The following PKP4 variants were observed in gnomAD, a reference collection of about 807,000 sequenced individuals.
PKP4 encodes plakophilin 4.
PKP4 carries 90 observed loss-of-function variants against 145.1 expected under a neutral mutation model. The observed-to-expected ratio is 0.62, with a 90% CI of 0.52 to 0.74. PKP4 has a LOEUF of 0.74. PKP4 is among the 30% of genes least tolerant of loss of function. The pLI, the probability that PKP4 is intolerant of heterozygous loss-of-function variation, is 0.00. For missense variants in PKP4, 1,340 were observed against 1,482.7 expected, an observed-to-expected ratio of 0.90 and a Z score of 1.58; for synonymous variants, 563 against 577.2, an observed-to-expected ratio of 0.98 and a Z score of 0.35.
At chr2:158,487,815 G>A (rs1694389649) in intron 1 of PKP4, among the ~76,000 whole-genome samples, 1 of 151,782 alleles carries the variant, frequency 6.6e-6, no homozygotes, top group Non-Finnish European at 1.5e-5. Flanking sequence ...GGGGGAGGGA[G>A]GGAGGAAGGA....
chr2:158,466,913 A>G (rs904525564), intron 1 of PKP4, among the ~76,000 whole-genome samples: 3 of 152,222 alleles, frequency 2.0e-5, no homozygotes, highest in Non-Finnish European at 4.4e-5. Context: ...TGAATCAGTA[A>G]TATCTTTGTA....
At chr2:158,614,331 T>C (rs989711096) in intron 4 of PKP4, among the ~76,000 whole-genome samples, 4 of 152,148 alleles carry the variant, frequency 2.6e-5, no homozygotes, top group African/African-American at 9.7e-5. Flanking sequence ...TTTTGAAATA[T>C]CAAGGCAAAA....
At chr2:158,531,830 T>C (rs1181058081) in intron 1 of PKP4, among the ~76,000 whole-genome samples, 1 of 152,160 alleles carries the variant, frequency 6.6e-6, no homozygotes, top group African/African-American at 2.4e-5. Flanking sequence ...AAATGAGAGA[T>C]TGAGAATTCA....
At chr2:158,517,463 G>A (rs2042024243) in intron 1 of PKP4, among the ~76,000 whole-genome samples, 1 of 152,058 alleles carries the variant, frequency 6.6e-6, no homozygotes, top group African/African-American at 2.4e-5. Flanking sequence ...GCATTTTATT[G>A]TAGTTTGTTA....
At chr2:158,512,604 T>G (rs531007003) in intron 1 of PKP4, among the ~76,000 whole-genome samples, 94 of 152,354 alleles carry the variant, frequency 6.2e-4, no homozygotes, top group African/African-American at 2.1e-3. Context: ...TGTTCTAAAG[T>G]GACTAATAGA....
In PKP4 at chr2:158,680,771, A is replaced by G; in HGVS notation, c.*94A>G. On this transcript the variant is annotated 3_prime_UTR_variant, in exon 22 of 22. Coordinates refer to ENST00000389759, the MANE Select transcript of PKP4 (RefSeq NM_003628.6). Reference sequence around the variant, plus strand: ...TGCTGATTTGATGATTGAAATGTGAAAGTGAAGTGGAAGGAATGAATGAAG... The same window carrying G: ...TGCTGATTTGATGATTGAAATGTGAGAGTGAAGTGGAAGGAATGAATGAAG... 8.9e-7 allele frequency: 1 copy of G among 1,124,066 alleles called. No individual in the cohort carries two copies. Among genetic ancestry groups the G allele is most frequent in the Non-Finnish European group, 1.3e-6 (1 of 784,042 alleles). The allele number at this position is 1,124,066 out of a possible 1,614,324, so 69.6% of individuals were successfully genotyped here. A position where few individuals can be genotyped will look rare whatever the true frequency, so the allele number is the denominator to read the frequency against.
intron 11 of PKP4, among the ~76,000 whole-genome samples, chr2:158,645,851 G>T (rs1445499610): frequency 6.6e-6 from 1 of 152,158 alleles, no homozygotes; most frequent in Non-Finnish European, 1.5e-5. Context: ...GTACATGATT[G>T]TGTGCTCTTT....
intron 2 of PKP4, among the ~76,000 whole-genome samples, chr2:158,547,659 A>C (rs1574416959): frequency 6.6e-6 from 1 of 152,328 alleles, no homozygotes; most frequent in East Asian, 1.9e-4. Context: ...ATTTTATTGC[A>C]TGTAAGTTAT....
intron 3 of PKP4, among the ~76,000 whole-genome samples, chr2:158,600,453 G>C (rs2050138171): frequency 6.6e-6 from 1 of 152,156 alleles, no homozygotes; most frequent in Non-Finnish European, 1.5e-5. Flanking sequence ...TTGAGGAAGT[G>C]TTTCTAGGAA....
chr2:158,482,226 C>T (rs950397592), intron 1 of PKP4, among the ~76,000 whole-genome samples: 21 of 152,220 alleles, frequency 1.4e-4, no homozygotes, highest in Middle Eastern at 3.2e-3. Context: ...CACATCATCA[C>T]AGGAAGTTCA....
At chr2:158,489,288 C>T (rs1694608232) in intron 1 of PKP4, among the ~76,000 whole-genome samples, 1 of 152,064 alleles carries the variant, frequency 6.6e-6, no homozygotes, top group African/African-American at 2.4e-5. Flanking sequence ...TAGTAACTTT[C>T]TAGGGTTTTG....
chr2:158,577,141 T>G, intron 2 of PKP4, 130 bp from the exon 3 acceptor site: 1 of 530,568 alleles, frequency 1.9e-6, no homozygotes, highest in Non-Finnish European at 3.3e-6. Flanking sequence ...AAATTGCATT[T>G]CACAAAGCCA....
At chr2:158,544,977 C>T (rs550928077) in intron 2 of PKP4, among the ~76,000 whole-genome samples, 1 of 151,982 alleles carries the variant, frequency 6.6e-6, no homozygotes, top group East Asian at 1.9e-4. Context: ...TGGTTCCATC[C>T]TCTGAATGTA....
chr2:158,476,650 A>G (rs1463891744), intron 1 of PKP4, among the ~76,000 whole-genome samples: 8 of 152,168 alleles, frequency 5.3e-5, no homozygotes, highest in South Asian at 2.1e-4. Context: ...TTTATTTGAA[A>G]TAAAATAGTC....
At chr2:158,493,000 T>C (rs1695168388) in intron 1 of PKP4, among the ~76,000 whole-genome samples, 1 of 152,158 alleles carries the variant, frequency 6.6e-6, no homozygotes, top group African/African-American at 2.4e-5. Context: ...AGTTTTTTAT[T>C]TTAAATTAAA....
chr2:158,465,755 T>C (rs1690508804), intron 1 of PKP4, among the ~76,000 whole-genome samples: 1 of 152,210 alleles, frequency 6.6e-6, no homozygotes, highest in East Asian at 1.9e-4. Context: ...AATTTTTCAC[T>C]TACTGTCATT....
chr2:158,639,454 T>C (rs2054096413), intron 9 of PKP4, among the ~76,000 whole-genome samples: 1 of 152,182 alleles, frequency 6.6e-6, no homozygotes, highest in Non-Finnish European at 1.5e-5. Context: ...ACTCTAAGGC[T>C]TCAAAAACCA....
rs1695585088 is a variant in PKP4, at chr2:158,495,617, TGAG to T, written c.-5-37561_-5-37559del. ...TTGGGAGGCCAAGGAGGTCCTGACTTGAGGTCAGGAGTTCAAGACCAGCCTGGC... is the reference window on the plus strand; with the variant it reads ...TTGGGAGGCCAAGGAGGTCCTGACTTGTCAGGAGTTCAAGACCAGCCTGGC... On this transcript the variant is annotated intron_variant, in intron 1 of 21. Transcript: ENST00000389759. 3.3e-5 allele frequency among the ~76,000 whole-genome samples: 5 copies of T among 151,970 alleles called. No homozygotes were observed. The South Asian group carries it at 1.0e-3, about 32-fold the overall frequency.
chr2:158,591,906 G>T (rs1367292008), intron 3 of PKP4, among the ~76,000 whole-genome samples: 2 of 152,028 alleles, frequency 1.3e-5, no homozygotes, highest in African/African-American at 4.8e-5. Context: ...GTTGTAAATT[G>T]TCATTTCTTT....
Sources: allele counts gnomAD v4.1 joint callset (sites outside exome capture counted in the v4.1 genomes callset), GRCh38; gene constraint gnomAD v4.1.1; transcripts MANE v1.5; gene names NCBI Gene and HGNC (gene_info 2026-07-23, HGNC 2026-07-21).